Variants in DIS3L2 observed in about 807,000 individuals in gnomAD.
DIS3L2 encodes the protein DIS3 like 3'-5' exoribonuclease 2.
A neutral mutation model predicts 97.5 loss-of-function variants in DIS3L2; 34 were observed. The ratio of observed to expected loss-of-function variants is 0.35; its 90% CI spans 0.27 to 0.46. DIS3L2 has a LOEUF of 0.46. Ranked by LOEUF, DIS3L2 falls within the 20% of genes least tolerant of loss-of-function variation. The pLI, the probability that DIS3L2 is intolerant of heterozygous loss-of-function variation, is 1.00. For missense variants in DIS3L2, 1,038 were observed against 1,146.0 expected (o/e 0.91, Z 1.36); for synonymous variants, 435 against 445.2 (o/e 0.98, Z 0.29).
In DIS3L2 at chr2:232,161,013, G is replaced by T. The variant is rs1559689733; in HGVS notation, c.951-2446G>T. 1.3e-5 allele frequency among the ~76,000 whole-genome samples: 2 copies of T among 152,132 alleles called. 1 individual carries two copies. Among genetic ancestry groups the T allele is most frequent in the South Asian group, 4.1e-4 (2 of 4,828 alleles). On this transcript the variant is annotated intron_variant, in intron 8 of 20. Coordinates refer to ENST00000325385, the MANE Select transcript of DIS3L2 (RefSeq NM_152383.5). ...GCTCACCGCAACCTCCGCCTCCCGGGTTCAAGCGTTTCTCCTGTCTAAGCC... is the reference window on the plus strand; with the variant it reads ...GCTCACCGCAACCTCCGCCTCCCGGTTTCAAGCGTTTCTCCTGTCTAAGCC...
intron 6 of DIS3L2, among the ~76,000 whole-genome samples, chr2:232,115,289 G>A (rs191998110): frequency 2.6e-5 from 4 of 151,968 alleles, no homozygotes; most frequent in African/African-American, 9.6e-5. Flanking sequence ...GGTGTCAGGT[G>A]ATTGAAGATT....
At chr2:232,098,707 A>G (rs1216887054) in intron 6 of DIS3L2, among the ~76,000 whole-genome samples, 1 of 152,072 alleles carries the variant, frequency 6.6e-6, no homozygotes, top group Non-Finnish European at 1.5e-5. Flanking sequence ...CTTTTTTAAT[A>G]TCATTTGCCC....
Position 232,325,510 on chromosome 2 carries a change from C to G in DIS3L2, c.1740-4303C>G, listed in dbSNP as rs1383442808. 6.6e-6 allele frequency among the ~76,000 whole-genome samples: 1 copy of G among 152,166 alleles called. No individual in the cohort carries two copies. Among genetic ancestry groups the G allele is most frequent in the African/African-American group, 2.4e-5 (1 of 41,442 alleles). On this transcript the variant is annotated intron_variant, in intron 14 of 20. Transcript: ENST00000325385. The surrounding 1 kb of genome is among the most constrained non-coding windows in gnomAD (Gnocchi z 4.6). The stretch of plus-strand genomic sequence containing the variant: ...CTCCCCCTCCCCACCCCCTCCTGCC[C>G]CAGGGAGGCCCAGAACCAGGGAGGA...
At chr2:231,992,157 A>G (rs1487904039) in intron 1 of DIS3L2, among the ~76,000 whole-genome samples, 1 of 152,178 alleles carries the variant, frequency 6.6e-6, no homozygotes, top group Non-Finnish European at 1.5e-5. Flanking sequence ...GATGGAAAAC[A>G]TGACCCACTT....
At chr2:232,044,685 A>G (rs1481040780) in intron 5 of DIS3L2, among the ~76,000 whole-genome samples, 1 of 152,218 alleles carries the variant, frequency 6.6e-6, no homozygotes, top group Non-Finnish European at 1.5e-5. Context: ...GAATAAATGG[A>G]CATTTTATAG....
intron 9 of DIS3L2, among the ~76,000 whole-genome samples, chr2:232,202,769 T>C (rs1347750146): frequency 6.6e-6 from 1 of 152,234 alleles, no homozygotes; most frequent in African/African-American, 2.4e-5. Context: ...CTGCTCTAAA[T>C]AGACCATAGA....
chr2:232,194,546 T>C (rs1286526542), intron 9 of DIS3L2, among the ~76,000 whole-genome samples: 2 of 152,188 alleles, frequency 1.3e-5, no homozygotes, highest in East Asian at 1.9e-4. Context: ...AGTTCAAAGA[T>C]AGCTAGAAGC....
At position 232,335,833 on chromosome 2, in the gene DIS3L2, G is replaced by A. The variant is rs891931139; in HGVS notation, c.2455G>A (p.Val819Ile). The part of the protein sequence containing the change: ...KVGKKPELTL[V>I]WEPEDMEQEP... ...GGGCAAGAAGCCGGAACTCACGCTG[G>A]TCTGGGAGCCTGAGGACATGGAGCA... is the stretch of plus-strand genomic sequence containing the variant. Residue 819 changes from valine to isoleucine, a missense_variant, in exon 20 of 21, where the codon GTC (valine) becomes ATC (isoleucine). Coordinates refer to ENST00000325385, the MANE Select transcript of DIS3L2 (RefSeq NM_152383.5). 2 of 1,550,930 alleles carry A rather than the reference G, an allele frequency of 1.3e-6. No homozygotes were observed. The highest frequency in any genetic ancestry group is 2.7e-5 in the African/African-American group (2 of 73,188).
chr2:232,308,452 A>G (rs1695040311), intron 14 of DIS3L2, among the ~76,000 whole-genome samples: 1 of 152,244 alleles, frequency 6.6e-6, no homozygotes, highest in Non-Finnish European at 1.5e-5. Flanking sequence ...AAACTTAACA[A>G]GAGAAAATCT....
intron 9 of DIS3L2, among the ~76,000 whole-genome samples, chr2:232,205,916 A>AT (rs1005323826): frequency 2.0e-5 from 3 of 152,206 alleles, no homozygotes; most frequent in African/African-American, 7.2e-5. Flanking sequence ...AACTTCCCCC[A>AT]TAAGTGTACT....
chr2:231,997,403 C>G (rs2106198584), intron 1 of DIS3L2, among the ~76,000 whole-genome samples: 1 of 152,330 alleles, frequency 6.6e-6, no homozygotes, highest in African/African-American at 2.4e-5. Flanking sequence ...TTTTTACTGA[C>G]ATAACTCTCA....
chr2:232,100,105 G>A (rs1296671896), intron 6 of DIS3L2, among the ~76,000 whole-genome samples: 2 of 151,628 alleles, frequency 1.3e-5, no homozygotes, highest in African/African-American at 4.8e-5. Context: ...GCGTGATCTC[G>A]GCTCACTGCA....
chr2:232,247,941 A>G (rs982605702), intron 11 of DIS3L2, among the ~76,000 whole-genome samples: 2 of 152,244 alleles, frequency 1.3e-5, no homozygotes, highest in Non-Finnish European at 2.9e-5. Flanking sequence ...AAAAGCTGTT[A>G]GCGAAGGCTG....
At chr2:232,232,475 G>A (rs935299338) in intron 10 of DIS3L2, among the ~76,000 whole-genome samples, 2 of 152,176 alleles carry the variant, frequency 1.3e-5, no homozygotes, top group African/African-American at 4.8e-5. Flanking sequence ...TGGTGGGAAG[G>A]AAGACATATG....
Position 232,064,573 on chromosome 2 carries a change from G to C in DIS3L2, c.367-22914G>C, listed in dbSNP as rs146229392. Among the ~76,000 whole-genome samples the C allele has an allele frequency of 1.2e-3, 181 of 152,234 alleles. 5 individuals are homozygous for C. The East Asian group carries it at 0.028, about 23-fold the overall frequency. On this transcript the variant is annotated intron_variant, in intron 5 of 20. Coordinates refer to ENST00000325385, the MANE Select transcript of DIS3L2 (RefSeq NM_152383.5). Reference sequence around the variant, plus strand: ...GTAGGTACCTGGATGTGGAATTGCTGGATCATATGGTAAGCATATGTTTAT... The same window carrying C: ...GTAGGTACCTGGATGTGGAATTGCTCGATCATATGGTAAGCATATGTTTAT...
chr2:232,097,256 C>T (rs189727793), intron 6 of DIS3L2, among the ~76,000 whole-genome samples: 1 of 152,292 alleles, frequency 6.6e-6, no homozygotes, highest in East Asian at 1.9e-4. Context: ...CTTACTTTCT[C>T]CTAAACAAAC....
downstream of DIS3L2, chr2:232,339,687 CTG>C (rs1203409128): frequency 8.8e-6 from 4 of 456,214 alleles, no homozygotes; most frequent in Non-Finnish European, 1.8e-5. Flanking sequence ...CAGTAGAACA[CTG>C]AGCATGCAGG....
intron 1 of DIS3L2, among the ~76,000 whole-genome samples, chr2:231,966,112 C>T (rs1437104467): frequency 6.6e-6 from 1 of 151,416 alleles, no homozygotes; most frequent in Non-Finnish European, 1.5e-5. Flanking sequence ...GTCTGGCCAT[C>T]GATACCATTT....
chr2:232,256,035 T>C (rs1055366852), intron 12 of DIS3L2, among the ~76,000 whole-genome samples: 1 of 152,240 alleles, frequency 6.6e-6, no homozygotes. Flanking sequence ...CAGCCTCTGC[T>C]CTTGCCCCAC....
Sources: gnomAD v4.1 joint callset for allele counts (sites outside exome capture counted in the v4.1 genomes callset) on GRCh38, gnomAD v4.1.1 for gene constraint, Gnocchi (gnomAD v3.1) non-coding constraint, MANE v1.5 for transcripts, NCBI Gene and HGNC (gene_info 2026-07-23, HGNC 2026-07-21) for gene names.